GLRA1: variants seen among roughly 807,000 people sequenced by gnomAD.
The protein encoded by GLRA1 is glycine receptor alpha 1, also known as glycine receptor subunit alpha-1.
Under a neutral mutation model 48.3 loss-of-function variants are expected in GLRA1, and 37 were observed. The observed-to-expected ratio is 0.77, with a 90% confidence interval of 0.59 to 1.01. The LOEUF (loss-of-function observed/expected upper bound fraction) is 1.01. Ranked by LOEUF, GLRA1 falls within the 50% of genes least tolerant of loss-of-function variation. GLRA1 has a pLI of 0.00. For synonymous variants in GLRA1, 196 were observed against 210.7 expected (o/e 0.93, Z 0.60); for missense variants, 427 against 571.0 (o/e 0.75, Z 2.57).
intron 3 of GLRA1, among the ~76,000 whole-genome samples, chr5:151,869,590 T>A (rs1425293196): frequency 1.3e-5 from 2 of 149,434 alleles, no homozygotes; most frequent in Non-Finnish European, 2.9e-5. Context: ...TGGCAAGCAC[T>A]GGTAATCCCA....
chr5:151,862,955 A>T (rs1753242818), intron 3 of GLRA1, among the ~76,000 whole-genome samples: 1 of 152,188 alleles, frequency 6.6e-6, no homozygotes, highest in Non-Finnish European at 1.5e-5. Context: ...AAGTGTTCTG[A>T]CTTCTAGCTG....
intron 1 of GLRA1, among the ~76,000 whole-genome samples, chr5:151,914,483 C>G (rs959655516): frequency 6.6e-6 from 1 of 152,178 alleles, no homozygotes; most frequent in African/African-American, 2.4e-5. Flanking sequence ...GGGTATACTC[C>G]TGTGTGTCTG....
At chr5:151,830,275 C>T (rs1358174773) in intron 7 of GLRA1, among the ~76,000 whole-genome samples, 1 of 152,192 alleles carries the variant, frequency 6.6e-6, no homozygotes, top group Non-Finnish European at 1.5e-5. Context: ...CTGTCTTTGA[C>T]CTGATTTGAA....
intron 7 of GLRA1, among the ~76,000 whole-genome samples, chr5:151,842,056 TAAAAAAAA>T (rs57043035): frequency 7.7e-6 from 1 of 129,448 alleles, no homozygotes; most frequent in Non-Finnish European, 1.6e-5. Context: ...AAACTCCATC[TAAAAAAAA>T]AAAAAAAAAA....
At chr5:151,850,015 A>T in intron 7 of GLRA1, 1 of 1,603,146 alleles carries the variant, frequency 6.2e-7, no homozygotes, top group Non-Finnish European at 8.5e-7. Flanking sequence ...GACCAATTTG[A>T]GGCACACTTG....
intron 7 of GLRA1, among the ~76,000 whole-genome samples, chr5:151,832,313 C>T (rs746196398): frequency 1.6e-4 from 24 of 152,160 alleles, no homozygotes; most frequent in African/African-American, 5.8e-4. Flanking sequence ...GACAAATTGA[C>T]AGAAGTAGGC....
At chr5:151,912,501 T>A (rs1754642237) in intron 1 of GLRA1, among the ~76,000 whole-genome samples, 2 of 152,164 alleles carry the variant, frequency 1.3e-5, no homozygotes, top group African/African-American at 2.4e-5. Context: ...AGGGAAAGGT[T>A]GAGCGAGCAA....
intron 1 of GLRA1, among the ~76,000 whole-genome samples, chr5:151,905,760 G>A (rs1754459839): frequency 6.6e-6 from 1 of 152,166 alleles, no homozygotes; most frequent in African/African-American, 2.4e-5. Flanking sequence ...AGTTGAAAAG[G>A]AGAGAGGTGA....
At chr5:151,838,518 A>G (rs1278122828) in intron 7 of GLRA1, among the ~76,000 whole-genome samples, 1 of 152,154 alleles carries the variant, frequency 6.6e-6, no homozygotes, top group Non-Finnish European at 1.5e-5. Context: ...GGAGTTGAAA[A>G]GTAAAATAAC....
At chr5:151,838,089 T>C (rs1763620648) in intron 7 of GLRA1, among the ~76,000 whole-genome samples, 1 of 152,220 alleles carries the variant, frequency 6.6e-6, no homozygotes. Context: ...ACAAAGACTT[T>C]AAATCAGTTA....
At chr5:151,849,984 G>T (rs1263464339) in intron 7 of GLRA1, 1 of 1,597,606 alleles carries the variant, frequency 6.3e-7, no homozygotes, top group African/African-American at 1.3e-5. Context: ...AAGTTTTCGA[G>T]TACAACCGAA....
At chr5:151,865,352 G>A (rs1165909999) in intron 3 of GLRA1, among the ~76,000 whole-genome samples, 2 of 152,170 alleles carry the variant, frequency 1.3e-5, no homozygotes, top group East Asian at 3.8e-4. Flanking sequence ...TGATATTTAA[G>A]GTGAGACCAA....
At chr5:151,918,041 C>T (rs1224299838) in intron 1 of GLRA1, among the ~76,000 whole-genome samples, 4 of 152,160 alleles carry the variant, frequency 2.6e-5, no homozygotes, top group Admixed American at 6.5e-5. Flanking sequence ...GAGTGGTAAT[C>T]TAATTGCATT....
intron 7 of GLRA1, among the ~76,000 whole-genome samples, chr5:151,838,483 TAAA>T (rs1247472463): frequency 6.6e-6 from 1 of 151,740 alleles, no homozygotes; most frequent in Non-Finnish European, 1.5e-5. Context: ...AAAGAAATGA[TAAA>T]GAAGAACCAA....
chr5:151,883,607 A>G (rs1265291717), intron 3 of GLRA1, among the ~76,000 whole-genome samples: 1 of 152,224 alleles, frequency 6.6e-6, no homozygotes, highest in South Asian at 2.1e-4. Flanking sequence ...TGAGAGCATG[A>G]ATGTGAAAAT....
rs187224638 is a variant in GLRA1 at position 151,839,006 on chromosome 5, A to G, written c.913-9939T>C. ...TCCTGCAAAGGCAGAATCTTAAAAC[A>G]GCAAAAGAGAAGCAACTCCTTTTGT... On this transcript the variant is annotated intron_variant, in intron 7 of 8. Coordinates refer to ENST00000274576, the MANE Select transcript of GLRA1 (RefSeq NM_000171.4). 5.1e-4 allele frequency among the ~76,000 whole-genome samples: 77 copies of G among 152,368 alleles called. No homozygotes were observed. In the East Asian group the frequency reaches 0.013, roughly 27 times the overall value.
chr5:151,849,843 C>A, intron 7 of GLRA1: 2 of 1,358,142 alleles, frequency 1.5e-6, no homozygotes, highest in South Asian at 3.1e-5. Flanking sequence ...CATGAGCCAC[C>A]ATGCCTAGCC....
intron 1 of GLRA1, among the ~76,000 whole-genome samples, chr5:151,916,398 C>T (rs1754742846): frequency 2.0e-5 from 3 of 152,124 alleles, no homozygotes; most frequent in African/African-American, 4.8e-5. Context: ...CTGGAGCTGG[C>T]GAATGTTGCA....
intron 3 of GLRA1, among the ~76,000 whole-genome samples, chr5:151,864,282 C>T (rs190005915): frequency 1.7e-4 from 26 of 152,182 alleles, no homozygotes; most frequent in East Asian, 1.2e-3. Flanking sequence ...ATGTCAAGTC[C>T]GTTTATGTGG....
Sources: allele counts gnomAD v4.1 joint callset (sites outside exome capture counted in the v4.1 genomes callset), GRCh38; gene constraint gnomAD v4.1.1; transcripts MANE v1.5; gene names NCBI Gene and HGNC (gene_info 2026-07-23, HGNC 2026-07-21).